The following ANKRD31 variants were observed in gnomAD, a reference collection of about 807,000 sequenced individuals.
The protein encoded by ANKRD31 is ankyrin repeat domain 31, also known as ankyrin repeat domain-containing protein 31.
In ANKRD31, 147 loss-of-function variants were observed where a neutral mutation model predicts 186.0. The observed-to-expected ratio is 0.79, with a 90% CI of 0.69 to 0.91. The LOEUF (loss-of-function observed/expected upper bound fraction) is 0.91. ANKRD31 is among the 40% of genes least tolerant of loss of function. The pLI, the probability that ANKRD31 is intolerant of heterozygous loss-of-function variation, is 0.00. For missense variants in ANKRD31, 1,986 were observed against 2,148.8 expected, an observed-to-expected ratio of 0.92 and a Z score of 1.50; for synonymous variants, 673 against 736.4, an observed-to-expected ratio of 0.91 and a Z score of 1.39.
chr5:75,082,248 G>C (rs1745138889), intron 24 of ANKRD31, among the ~76,000 whole-genome samples: 1 of 152,154 alleles, frequency 6.6e-6, no homozygotes, highest in Non-Finnish European at 1.5e-5. Flanking sequence ...GCAAAAGTTA[G>C]GAAAGGAATG....
At chr5:75,127,196 A>AG (rs1314745252) in intron 17 of ANKRD31, among the ~76,000 whole-genome samples, 1 of 152,078 alleles carries the variant, frequency 6.6e-6, no homozygotes, top group Non-Finnish European at 1.5e-5. Context: ...AAAAAAAAAA[A>AG]AAAAATCAAC....
At chr5:75,159,006 A>T (rs904827666) in intron 11 of ANKRD31, among the ~76,000 whole-genome samples, 1 of 152,162 alleles carries the variant, frequency 6.6e-6, no homozygotes, top group African/African-American at 2.4e-5. Context: ...GATAATTTAT[A>T]AAATAGAGAA....
chr5:75,137,842 G>A lies in ANKRD31; in HGVS notation c.3876+14C>T. The A allele has an allele frequency of 6.7e-7, 1 of 1,491,658 alleles. No individual in the cohort carries two copies. Among genetic ancestry groups the A allele is most frequent in the Non-Finnish European group, 8.9e-7 (1 of 1,127,898 alleles). The allele number at this position is 1,491,658 out of a possible 1,614,324, so 92.4% of individuals were successfully genotyped here. On this transcript the variant is annotated intron_variant, in intron 17 of 25. Transcript: ENST00000506364. ...AGAAAAAGTAGTAAGATCTTAATGT[G>A]ATGTGCACTGTACCTTTAAATGATT...
chr5:75,202,633 G>A (rs2150266039), intron 5 of ANKRD31, among the ~76,000 whole-genome samples: 1 of 152,284 alleles, frequency 6.6e-6, no homozygotes, highest in East Asian at 1.9e-4. Context: ...AAGGCAGTTT[G>A]CTTATCTTTA....
chr5:75,168,005 C>G (rs1753042816), intron 11 of ANKRD31, among the ~76,000 whole-genome samples: 1 of 152,036 alleles, frequency 6.6e-6, no homozygotes, highest in African/African-American at 2.4e-5. Flanking sequence ...AAACTGGATC[C>G]TGGGAAGAAT....
chr5:75,092,572 A>C (rs925827770), intron 22 of ANKRD31, among the ~76,000 whole-genome samples: 2 of 152,222 alleles, frequency 1.3e-5, no homozygotes, highest in Non-Finnish European at 2.9e-5. Context: ...TGGGGACTTC[A>C]CTAAAACAAT....
At chr5:75,118,434 T>A in intron 17 of ANKRD31, 137 bp from the exon 18 acceptor site, 1 of 854,198 alleles carries the variant, frequency 1.2e-6, no homozygotes, top group Non-Finnish European at 1.7e-6. Flanking sequence ...AATTTTTTAT[T>A]AAAATTGATG....
At chr5:75,088,221 T>C (rs1363451104) in intron 23 of ANKRD31, among the ~76,000 whole-genome samples, 1 of 151,986 alleles carries the variant, frequency 6.6e-6, no homozygotes, top group South Asian at 2.1e-4. Context: ...GTGAGAGGAG[T>C]TGTTCTTGAA....
chr5:75,119,666 C>G (rs1294657770), intron 17 of ANKRD31, among the ~76,000 whole-genome samples: 1 of 152,186 alleles, frequency 6.6e-6, no homozygotes, highest in African/African-American at 2.4e-5. Context: ...TGAGAAATCT[C>G]CAAACTGTTT....
At position 75,226,095 on chromosome 5, in the gene ANKRD31, G is replaced by A. The variant is rs140041522; in HGVS notation, c.179-3737C>T. 5.9e-4 allele frequency among the ~76,000 whole-genome samples: 90 copies of A among 152,298 alleles called. 1 individual carries two copies. The highest frequency in any genetic ancestry group is 2.0e-3 in the African/African-American group (85 of 41,566). On this transcript the variant is annotated intron_variant, in intron 2 of 25. Transcript: ENST00000506364. ...CCTACCTATGGAAACGGGAAGGAAC[G>A]GTGGGAAGGACTGTGTCTCATGGTT...
At chr5:75,233,530 C>G (rs975954069) in intron 1 of ANKRD31, among the ~76,000 whole-genome samples, 4 of 151,824 alleles carry the variant, frequency 2.6e-5, no homozygotes, top group African/African-American at 9.7e-5. Context: ...AATTTCTGCC[C>G]CTACTAAAAT....
chr5:75,077,931 C>CAAAAAAAAAAAAAAAAAAA (rs56910458), intron 25 of ANKRD31, among the ~76,000 whole-genome samples: 1 of 66,732 alleles, frequency 1.5e-5, no homozygotes, highest in Non-Finnish European at 3.0e-5. Context: ...GACTCCGTCT[C>CAAAAAAAAAAAAAAAAAAA]AAAAAAAAAA....
intron 10 of ANKRD31, among the ~76,000 whole-genome samples, chr5:75,178,312 T>A (rs780385281): frequency 6.6e-6 from 1 of 152,144 alleles, no homozygotes; most frequent in East Asian, 1.9e-4. Context: ...ACTGTCAACA[T>A]TAGACAGATC....
Position 75,131,936 on chromosome 5 carries a change from G to T in ANKRD31, c.3876+5920C>A, listed in dbSNP as rs1749879342. ...AACTCCAGCAACTCCCAACAGGCCT[G>T]CAGCTGAGGGTCCTGACTGTTAGAA... is the stretch of plus-strand genomic sequence containing the variant. On this transcript the variant is annotated intron_variant, in intron 17 of 25. Coordinates refer to ENST00000506364, the MANE Select transcript of ANKRD31 (RefSeq NM_001372053.1). Among the ~76,000 whole-genome samples, 3 of 152,212 alleles carry T rather than the reference G, an allele frequency of 2.0e-5. No individual in the cohort carries two copies. In the South Asian group the frequency reaches 6.2e-4, roughly 32 times the overall value.
chr5:75,135,685 C>T (rs183720896), intron 17 of ANKRD31, among the ~76,000 whole-genome samples: 12 of 152,234 alleles, frequency 7.9e-5, no homozygotes, highest in Admixed American at 5.2e-4. Context: ...TCATATGGAA[C>T]CAAAAAAGAG....
chr5:75,113,207 TTCCTA>T (rs1170539989), intron 19 of ANKRD31, among the ~76,000 whole-genome samples: 1 of 152,192 alleles, frequency 6.6e-6, no homozygotes, highest in East Asian at 1.9e-4. Flanking sequence ...GCTTCACCTC[TTCCTA>T]TCTGGGTGAC....
intron 11 of ANKRD31, among the ~76,000 whole-genome samples, chr5:75,161,806 C>G (rs777432861): frequency 1.3e-5 from 2 of 152,242 alleles, no homozygotes. Flanking sequence ...CTATGTAGAG[C>G]TTGGGCTGTG....
At chr5:75,172,365 TAA>T (rs35258134) in intron 10 of ANKRD31, among the ~76,000 whole-genome samples, 2,702 of 145,448 alleles carry the variant, frequency 0.019, 43 homozygotes, top group Middle Eastern at 0.042. Flanking sequence ...AAACTCTATT[TAA>T]AAAAAAAAAA....
At chr5:75,151,403 T>C (rs1022982727) in intron 12 of ANKRD31, among the ~76,000 whole-genome samples, 5 of 152,004 alleles carry the variant, frequency 3.3e-5, no homozygotes, top group African/African-American at 1.2e-4. Flanking sequence ...CGGGAGGTAA[T>C]TGAATCATGG....
Sources: gnomAD v4.1 joint callset for allele counts (sites outside exome capture counted in the v4.1 genomes callset) on GRCh38, gnomAD v4.1.1 for gene constraint, MANE v1.5 for transcripts, NCBI Gene and HGNC (gene_info 2026-07-23, HGNC 2026-07-21) for gene names.